The following CNTN5 variants were observed in gnomAD, a reference collection of about 807,000 sequenced individuals.
CNTN5 encodes the protein contactin 5, also known as contactin-5.
In CNTN5, 77 loss-of-function variants were observed where a neutral mutation model predicts 129.1. That is an observed-to-expected ratio of 0.60 (90% CI 0.50 to 0.72). The LOEUF is 0.72. Ranked by LOEUF, CNTN5 falls within the 30% of genes least tolerant of loss-of-function variation. CNTN5 has a pLI of 0.00. For missense variants in CNTN5, 1,478 were observed against 1,328.8 expected, an observed-to-expected ratio of 1.11 and a Z score of -1.75; for synonymous variants, 509 against 465.6, an observed-to-expected ratio of 1.09 and a Z score of -1.20.
At chr11:100,147,948 C>A (rs1332039191) in intron 13 of CNTN5, among the ~76,000 whole-genome samples, 15 of 151,842 alleles carry the variant, frequency 9.9e-5, no homozygotes, top group Non-Finnish European at 4.4e-5. Flanking sequence ...TGTTTGAAAC[C>A]CTAAAGCTTT....
At chr11:99,928,432 G>A (rs1817157) in intron 7 of CNTN5, among the ~76,000 whole-genome samples, 138,786 of 152,238 alleles carry the variant, frequency 0.91, 63,312 homozygotes, top group East Asian at 1. Context: ...CCTGCAGCAA[G>A]CTTCTGCCTG....
At chr11:100,102,624 A>G (rs968117584) in intron 13 of CNTN5, among the ~76,000 whole-genome samples, 5 of 152,140 alleles carry the variant, frequency 3.3e-5, no homozygotes, top group Admixed American at 6.6e-5. Context: ...TGATAAAAGA[A>G]TAATTTAGAA....
In CNTN5 at chr11:99,787,609, G is replaced by T. The variant is rs539294324; in HGVS notation, c.56-31935G>T. Among the ~76,000 whole-genome samples, 5 of 151,630 alleles carry T rather than the reference G, an allele frequency of 3.3e-5. No homozygotes were observed. The South Asian group carries it at 6.2e-4, about 19-fold the overall frequency. On this transcript the variant is annotated intron_variant, in intron 3 of 24. Coordinates refer to ENST00000524871, the MANE Select transcript of CNTN5 (RefSeq NM_014361.4). Reference sequence around the variant, plus strand: ...AATAAGTTGTCATTGCCAGTAAGCTGAAGAAGAAAAGAACAGAAATGGTTT... The same window carrying T: ...AATAAGTTGTCATTGCCAGTAAGCTTAAGAAGAAAAGAACAGAAATGGTTT...
At chr11:99,629,091 T>C (rs1022950394) in intron 3 of CNTN5, among the ~76,000 whole-genome samples, 6 of 151,972 alleles carry the variant, frequency 3.9e-5, no homozygotes, top group African/African-American at 1.4e-4. Flanking sequence ...ACAATAAATA[T>C]GTTGGGTCAA....
chr11:99,681,958 A>G (rs1344765280), intron 3 of CNTN5, among the ~76,000 whole-genome samples: 1 of 152,078 alleles, frequency 6.6e-6, no homozygotes, highest in Non-Finnish European at 1.5e-5. Flanking sequence ...AATAACTCAC[A>G]AAGCAAGGAG....
intron 2 of CNTN5, among the ~76,000 whole-genome samples, chr11:99,487,070 T>A (rs555749404): frequency 6.6e-6 from 1 of 152,218 alleles, no homozygotes; most frequent in East Asian, 1.9e-4. Context: ...GCCAAGTAAA[T>A]AGATGTTGGC....
intron 6 of CNTN5, among the ~76,000 whole-genome samples, chr11:99,849,609 G>T (rs909003744): frequency 6.6e-6 from 1 of 151,930 alleles, no homozygotes; most frequent in African/African-American, 2.4e-5. Flanking sequence ...TCTGGTGGTA[G>T]GTAGGATAAC....
chr11:99,051,993 A>G (rs1430240665), intron 1 of CNTN5, among the ~76,000 whole-genome samples: 1 of 151,884 alleles, frequency 6.6e-6, no homozygotes, highest in East Asian at 1.9e-4. Context: ...TGAAGATTAA[A>G]GAAAGTGTAG....
chr11:99,907,451 A>T (rs559997485), intron 6 of CNTN5, among the ~76,000 whole-genome samples: 3 of 152,160 alleles, frequency 2.0e-5, no homozygotes, highest in African/African-American at 7.2e-5. Context: ...AATAAGGAAC[A>T]AAACTATGTT....
intron 2 of CNTN5, among the ~76,000 whole-genome samples, chr11:99,470,403 T>A (rs1945125860): frequency 6.6e-6 from 1 of 152,204 alleles, no homozygotes; most frequent in African/African-American, 2.4e-5. Flanking sequence ...CCAAAGTGAT[T>A]ATTTTGTATT....
At chr11:99,241,421 C>T (rs757709557) in intron 1 of CNTN5, among the ~76,000 whole-genome samples, 1 of 139,380 alleles carries the variant, frequency 7.2e-6, no homozygotes, top group Non-Finnish European at 1.5e-5. Flanking sequence ...TGATTAGGAA[C>T]TGATCTGAAA....
intron 13 of CNTN5, among the ~76,000 whole-genome samples, chr11:100,138,170 A>G (rs751292038): frequency 6.6e-6 from 1 of 152,070 alleles, no homozygotes; most frequent in Non-Finnish European, 1.5e-5. Flanking sequence ...CAGGTTAAGA[A>G]GAGTTGATTT....
At chr11:100,097,204 G>A (rs1945039177) in intron 13 of CNTN5, among the ~76,000 whole-genome samples, 1 of 152,056 alleles carries the variant, frequency 6.6e-6, no homozygotes, top group Non-Finnish European at 1.5e-5. Context: ...TATTGAGGGA[G>A]CAGCTTTTAT....
chr11:99,818,968 T>C (rs1946683041), intron 3 of CNTN5, among the ~76,000 whole-genome samples: 1 of 152,080 alleles, frequency 6.6e-6, no homozygotes, highest in East Asian at 1.9e-4. Flanking sequence ...AGGTATTACT[T>C]AGAGCCTAGT....
At chr11:100,057,916 C>T (rs989892294) in intron 9 of CNTN5, among the ~76,000 whole-genome samples, 1 of 152,034 alleles carries the variant, frequency 6.6e-6, no homozygotes, top group Admixed American at 6.6e-5. Flanking sequence ...AGATTCACAA[C>T]TACTCTCTGA....
chr11:99,895,463 A>G (rs1949180908), intron 6 of CNTN5, among the ~76,000 whole-genome samples: 1 of 152,210 alleles, frequency 6.6e-6, no homozygotes, highest in South Asian at 2.1e-4. Flanking sequence ...TCTCATGGAA[A>G]GGAAACAAAA....
At chr11:99,901,521 G>A (rs1271023911) in intron 6 of CNTN5, among the ~76,000 whole-genome samples, 2 of 152,064 alleles carry the variant, frequency 1.3e-5, no homozygotes, top group Admixed American at 6.6e-5. Flanking sequence ...TCGAACTCCT[G>A]ACCTCAAGTG....
At chr11:99,518,280 T>C (rs1947136886) in intron 2 of CNTN5, among the ~76,000 whole-genome samples, 1 of 152,134 alleles carries the variant, frequency 6.6e-6, no homozygotes, top group Non-Finnish European at 1.5e-5. Flanking sequence ...TTGTTAAGAC[T>C]CAGGTCGCCA....
chr11:99,054,432 C>T (rs1051844869), intron 1 of CNTN5, among the ~76,000 whole-genome samples: 4 of 151,954 alleles, frequency 2.6e-5, no homozygotes, highest in African/African-American at 7.2e-5. Context: ...CAAAAACAAA[C>T]TTATAGGAAC....
Sources: gnomAD v4.1 joint callset for allele counts (sites outside exome capture counted in the v4.1 genomes callset) on GRCh38, gnomAD v4.1.1 for gene constraint, MANE v1.5 for transcripts, NCBI Gene and HGNC (gene_info 2026-07-23, HGNC 2026-07-21) for gene names.